Variants in RPS6KC1 observed in about 807,000 individuals in gnomAD.
RPS6KC1 encodes ribosomal protein S6 kinase C1, also known as inactive ribosomal protein S6 kinase delta-1.
A neutral mutation model predicts 103.8 loss-of-function variants in RPS6KC1; 54 were observed. That is an observed-to-expected ratio of 0.52 (90% CI 0.42 to 0.65). The LOEUF is 0.65. Among genes scored for constraint, RPS6KC1 ranks in the 30% least tolerant of loss-of-function variants. The pLI, the probability that RPS6KC1 is intolerant of heterozygous loss-of-function variation, is 0.00. For missense variants in RPS6KC1, 1,151 were observed against 1,253.8 expected (o/e 0.92, Z 1.24); for synonymous variants, 439 against 438.7 (o/e 1.00, Z -0.01).
rs12063000 is a variant in RPS6KC1, at chr1:213,267,965, T to C, written c.3091-4559T>C. On this transcript the variant is annotated intron_variant, in intron 14 of 14. Transcript: ENST00000366960. ...AATAGCAAATGTACCAGTATACATA[T>C]AATGATAGTCCCAGAAGGAGAGGAG... Among the ~76,000 whole-genome samples, 537 of 151,930 alleles carry C rather than the reference T, an allele frequency of 3.5e-3. 5 individuals are homozygous for C. Among genetic ancestry groups the C allele is most frequent in the African/African-American group, 0.012 (504 of 41,488 alleles).
At chr1:213,070,642 A>AT (rs1389147479) in intron 1 of RPS6KC1, among the ~76,000 whole-genome samples, 2 of 152,344 alleles carry the variant, frequency 1.3e-5, no homozygotes, top group Non-Finnish European at 2.9e-5. Context: ...CATTTGCCTT[A>AT]TTTGAACACT....
At chr1:213,230,164 C>T (rs952688139) in intron 8 of RPS6KC1, among the ~76,000 whole-genome samples, 2 of 152,036 alleles carry the variant, frequency 1.3e-5, no homozygotes, top group African/African-American at 2.4e-5. Flanking sequence ...TTTTTTGAAC[C>T]ACTTCCTGTT....
the RPS6KC1 span, among the ~76,000 whole-genome samples, chr1:213,621,891 A>T: frequency 6.6e-6 from 1 of 152,166 alleles, no homozygotes; most frequent in South Asian, 2.1e-4. Context: ...GCAGCAACGA[A>T]TGAATCTGGC....
At chr1:213,139,843 A>C (rs951179867) in intron 6 of RPS6KC1, among the ~76,000 whole-genome samples, 6 of 151,912 alleles carry the variant, frequency 3.9e-5, no homozygotes, top group African/African-American at 1.2e-4. Flanking sequence ...TCTTATTCCA[A>C]ATGAATTTTA....
the RPS6KC1 span, among the ~76,000 whole-genome samples, chr1:213,368,324 C>T: frequency 6.6e-6 from 1 of 150,904 alleles, no homozygotes; most frequent in South Asian, 2.1e-4. Flanking sequence ...GTGGAAGGAA[C>T]CCAGATCTCT....
intron 8 of RPS6KC1, among the ~76,000 whole-genome samples, chr1:213,194,240 T>C (rs2092856711): frequency 6.6e-6 from 1 of 152,174 alleles, no homozygotes. Flanking sequence ...AAAGCAGCAT[T>C]GGGTTTTTTA....
chr1:213,763,112 G>C, the RPS6KC1 span, among the ~76,000 whole-genome samples: 1 of 152,140 alleles, frequency 6.6e-6, no homozygotes, highest in Non-Finnish European at 1.5e-5. Context: ...ACCTGCCTTG[G>C]CCTCCCAAAG....
chr1:213,574,851 G>A, the RPS6KC1 span, among the ~76,000 whole-genome samples: 3 of 152,178 alleles, frequency 2.0e-5, no homozygotes, highest in African/African-American at 7.2e-5. Flanking sequence ...CCCATGCTTG[G>A]GGTGTGGGCT....
chr1:213,232,028 A>T, intron 9 of RPS6KC1, 95 bp from the exon 10 acceptor site: 1 of 1,467,156 alleles, frequency 6.8e-7, no homozygotes, highest in Non-Finnish European at 9.4e-7. Flanking sequence ...TAACTCGGAT[A>T]GATTAGTTTG....
At chr1:213,843,754 G>A in the RPS6KC1 span, among the ~76,000 whole-genome samples, 1 of 152,296 alleles carries the variant, frequency 6.6e-6, no homozygotes, top group South Asian at 2.1e-4. Flanking sequence ...AGATTAGGGG[G>A]TGAGATGTAC....
chr1:213,495,537 G>T, the RPS6KC1 span, among the ~76,000 whole-genome samples: 1 of 152,158 alleles, frequency 6.6e-6, no homozygotes, highest in Non-Finnish European at 1.5e-5. Context: ...GGCCAGGCTG[G>T]TCTCGAACTC....
the RPS6KC1 span, among the ~76,000 whole-genome samples, chr1:213,603,665 G>A: frequency 6.6e-6 from 1 of 151,806 alleles, no homozygotes; most frequent in Non-Finnish European, 1.5e-5. Flanking sequence ...TTCGAGACCA[G>A]CCTGGCCAAC....
chr1:213,461,994 T>A, the RPS6KC1 span, among the ~76,000 whole-genome samples: 3 of 152,192 alleles, frequency 2.0e-5, no homozygotes, highest in South Asian at 4.1e-4. Context: ...ACCTACAGAA[T>A]GGGAGAAAAA....
the RPS6KC1 span, among the ~76,000 whole-genome samples, chr1:213,465,567 T>TA: frequency 6.6e-6 from 1 of 152,190 alleles, no homozygotes; most frequent in South Asian, 2.1e-4. Context: ...GTGTCTCTCA[T>TA]AAACAGCTGA....
At chr1:213,841,652 CAT>C in the RPS6KC1 span, among the ~76,000 whole-genome samples, 1 of 152,168 alleles carries the variant, frequency 6.6e-6, no homozygotes, top group East Asian at 1.9e-4. Flanking sequence ...CCCTCATAGA[CAT>C]GTTTCTGCAC....
chr1:213,343,960 A>T, the RPS6KC1 span, among the ~76,000 whole-genome samples: 5 of 152,174 alleles, frequency 3.3e-5, no homozygotes, highest in Non-Finnish European at 1.5e-5. Context: ...TTTTGACCCA[A>T]GGTTTCTATA....
At chr1:213,225,704 TC>T (rs1235820962) in intron 8 of RPS6KC1, among the ~76,000 whole-genome samples, 1 of 152,194 alleles carries the variant, frequency 6.6e-6, no homozygotes, top group Non-Finnish European at 1.5e-5. Context: ...GGCCTTTTTA[TC>T]TGATCTGCTT....
the RPS6KC1 span, among the ~76,000 whole-genome samples, chr1:213,415,145 A>G: frequency 1.3e-5 from 2 of 152,148 alleles, no homozygotes; most frequent in Non-Finnish European, 2.9e-5. Flanking sequence ...TATTTCTTCC[A>G]CTTTTTTTAC....
At chr1:213,409,038 C>T in the RPS6KC1 span, among the ~76,000 whole-genome samples, 8 of 152,070 alleles carry the variant, frequency 5.3e-5, no homozygotes, top group African/African-American at 1.9e-4. Context: ...TCTTTAGAGG[C>T]CTCCTGGAGC....
Sources: gnomAD v4.1 joint callset for allele counts (sites outside exome capture counted in the v4.1 genomes callset) on GRCh38, gnomAD v4.1.1 for gene constraint, MANE v1.5 for transcripts, NCBI Gene and HGNC (gene_info 2026-07-23, HGNC 2026-07-21) for gene names.